Variants in TRPC6 observed in about 807,000 individuals in gnomAD.
TRPC6 encodes short transient receptor potential channel 6.
In TRPC6, 55 loss-of-function variants were observed where a neutral mutation model predicts 90.7. That is an observed-to-expected ratio of 0.61 (90% CI 0.49 to 0.76). The LOEUF is 0.76. Among genes scored for constraint, TRPC6 ranks in the 30% least tolerant of loss-of-function variants. The probability of loss-of-function intolerance (pLI) is 0.00; values close to 1 mark genes in which losing one functional copy is unlikely to be tolerated. For synonymous variants in TRPC6, 393 were observed against 393.0 expected (o/e 1.00, Z 0.00); for missense variants, 989 against 1,122.7 (o/e 0.88, Z 1.70).
chr11:101,504,576 G>T lies in TRPC6; in HGVS notation c.393C>A (p.Tyr131Ter). 6.2e-7 allele frequency: 1 copy of T among 1,614,146 alleles called. No homozygotes were observed. Among genetic ancestry groups the T allele is most frequent in the African/African-American group, 1.3e-5 (1 of 75,048 alleles). ...CHSLNVNCVD[Y>*]MGQNALQLAV... ...CCAACTGTAGGGCATTCTGGCCCAT[G>T]TAATCCACACAGTTAACGTTGAGTG... The change falls in exon 2 of 13, where the codon TAC (tyrosine) becomes TAA (stop). Residue 131 changes from tyrosine (Y) to a stop codon, truncating the protein, a stop_gained. Coordinates refer to ENST00000344327, the MANE Select transcript of TRPC6 (RefSeq NM_004621.6). LOFTEE classifies it high-confidence loss of function.
intron 1 of TRPC6, among the ~76,000 whole-genome samples, chr11:101,532,347 A>G (rs540186429): frequency 2.6e-5 from 4 of 152,346 alleles, no homozygotes; most frequent in Non-Finnish European, 5.9e-5. Flanking sequence ...GGTGTCCTAA[A>G]GCCTGCCTCA....
In TRPC6 at chr11:101,496,090, G is replaced by C. The variant is rs576849749; in HGVS notation, c.946-4352C>G. On this transcript the variant is annotated intron_variant, in intron 2 of 12. Transcript: ENST00000344327. ...TCCATGTGGCAGCAGGAGAGAGAGA[G>C]AGAGAGAGAGTGAAGGGAGAAGTGC... Among the ~76,000 whole-genome samples, 682 of 152,010 alleles carry C rather than the reference G, an allele frequency of 4.5e-3. 3 individuals carry two copies. Among genetic ancestry groups the C allele is most frequent in the African/African-American group, 0.016 (648 of 41,310 alleles).
Position 101,452,814 on chromosome 11 carries a change from G to GCTC in TRPC6, c.*138_*140dup. On this transcript the variant is annotated 3_prime_UTR_variant, in exon 13 of 13. Coordinates refer to ENST00000344327, the MANE Select transcript of TRPC6 (RefSeq NM_004621.6). ...ATCACCAAAAAAATTAGATACTAGGGCTCCAGATGATAGGATGGCCCAAGT... is the reference window on the plus strand; with the variant it reads ...ATCACCAAAAAAATTAGATACTAGGGCTCCTCCAGATGATAGGATGGCCCAAGT... 2.2e-6 allele frequency: 2 copies of GCTC among 925,162 alleles called. No individual in the cohort carries two copies. Among genetic ancestry groups the GCTC allele is most frequent in the Non-Finnish European group, 3.3e-6 (2 of 600,552 alleles). The allele number at this position is 925,162 out of a possible 1,614,324, so 57.3% of individuals were successfully genotyped here.
chr11:101,523,994 G>A (rs1860718847), intron 1 of TRPC6, among the ~76,000 whole-genome samples: 1 of 152,114 alleles, frequency 6.6e-6, no homozygotes. Context: ...TGTTAATTTA[G>A]GAGGCATTCC....
chr11:101,519,894 C>A lies in TRPC6; in HGVS notation c.171-15096G>T, dbSNP rs1431079169. The A allele has an allele frequency of 2.0e-5, 3 of 153,006 alleles. No individual in the cohort carries two copies. The East Asian group carries it at 6.0e-4, about 31-fold the overall frequency. The allele number at this position is 153,006 out of a possible 1,614,324, so 9.5% of individuals were successfully genotyped here. On this transcript the variant is annotated intron_variant, in intron 1 of 12. Coordinates refer to ENST00000344327, the MANE Select transcript of TRPC6 (RefSeq NM_004621.6). ...TACTAATTCTCTTAACTCTCTGACT[C>A]CCTCACTCAGTCTCTCTGCTCCAGC...
At chr11:101,472,480 T>C (rs1859315559) in intron 7 of TRPC6, 148 bp from the exon 8 acceptor site, 3 of 733,266 alleles carry the variant, frequency 4.1e-6, no homozygotes, top group South Asian at 2.0e-5. Flanking sequence ...TTTTCTTTTC[T>C]GTAAAATGGT....
At chr11:101,562,231 G>A (rs1459917852) in intron 1 of TRPC6, among the ~76,000 whole-genome samples, 1 of 152,062 alleles carries the variant, frequency 6.6e-6, no homozygotes, top group Non-Finnish European at 1.5e-5. Flanking sequence ...AATAAAGATG[G>A]TAACAGAAGA....
At chr11:101,560,167 C>G (rs1474483335) in intron 1 of TRPC6, among the ~76,000 whole-genome samples, 1 of 151,982 alleles carries the variant, frequency 6.6e-6, no homozygotes, top group African/African-American at 2.4e-5. Context: ...GGAAACTGAC[C>G]TATTATTCAT....
Position 101,455,056 on chromosome 11 carries a change from G to A in TRPC6, c.2530C>T (p.His844Tyr). The A allele has an allele frequency of 6.2e-7, 1 of 1,612,570 alleles. No homozygotes were observed. Among genetic ancestry groups the A allele is most frequent in the Non-Finnish European group, 8.5e-7 (1 of 1,179,094 alleles). The change falls in exon 11 of 13, where the codon CAT (histidine) becomes TAT (tyrosine). Residue 844 changes from histidine to tyrosine, a missense_variant. By Grantham distance (83) the His-to-Tyr change is moderately conservative (BLOSUM62 2). Transcript: ENST00000344327. ...QPSIRSSEDFHLNSFNNPPRQ... is the reference protein window; with the variant it reads ...QPSIRSSEDFYLNSFNNPPRQ... ...GGAGGATTATTGAAACTATTTAGAT[G>A]GAAATCTTCTGAGCTCCTTATACTT...
chr11:101,469,876 GTACTTTTATA>G, intron 9 of TRPC6, among the ~76,000 whole-genome samples: 1 of 152,198 alleles, frequency 6.6e-6, no homozygotes, highest in Non-Finnish European at 1.5e-5. Flanking sequence ...AATTCTCAAA[GTACTTTTATA>G]TACTTATTTG....
intron 2 of TRPC6, among the ~76,000 whole-genome samples, chr11:101,496,715 C>CGA (rs1859959044): frequency 6.6e-6 from 1 of 152,060 alleles, no homozygotes; most frequent in African/African-American, 2.4e-5. Flanking sequence ...TGGAGAGCGG[C>CGA]GATGAAGGTA....
chr11:101,471,095 A>T (rs904343910), intron 9 of TRPC6, 88 bp downstream of exon 9: 2 of 1,301,826 alleles, frequency 1.5e-6, no homozygotes, highest in Non-Finnish European at 2.2e-6. Flanking sequence ...TGTCATCAGG[A>T]ACTGCTTCTC....
intron 10 of TRPC6, among the ~76,000 whole-genome samples, chr11:101,467,043 C>A (rs1032582389): frequency 6.6e-6 from 1 of 152,180 alleles, no homozygotes; most frequent in East Asian, 1.9e-4. Flanking sequence ...CACCCACTGT[C>A]CAGCCAGTCC....
intron 12 of TRPC6, 52 bp downstream of exon 12, chr11:101,453,598 C>A (rs1388226648): frequency 1.3e-6 from 2 of 1,550,644 alleles, no homozygotes; most frequent in Non-Finnish European, 1.8e-6. Flanking sequence ...CTGCGCTAGG[C>A]CCCCGTCCTG....
intron 1 of TRPC6, among the ~76,000 whole-genome samples, chr11:101,569,876 A>C (rs761345803): frequency 2.0e-5 from 3 of 152,246 alleles, no homozygotes; most frequent in African/African-American, 7.2e-5. Context: ...ATCAGTGTTT[A>C]GAGGGAAATT....
At chr11:101,571,233 AACAG>A (rs1263380430) in intron 1 of TRPC6, among the ~76,000 whole-genome samples, 4 of 152,128 alleles carry the variant, frequency 2.6e-5, no homozygotes, top group Non-Finnish European at 4.4e-5. Context: ...ATAACAGACA[AACAG>A]ACAGCCAAAT....
chr11:101,530,758 G>A (rs1860894207), intron 1 of TRPC6, among the ~76,000 whole-genome samples: 1 of 152,102 alleles, frequency 6.6e-6, no homozygotes. Context: ...CACGAACTGT[G>A]ATCTGGAGGC....
At chr11:101,547,810 T>C (rs1411274491) in intron 1 of TRPC6, among the ~76,000 whole-genome samples, 1 of 152,130 alleles carries the variant, frequency 6.6e-6, no homozygotes, top group East Asian at 1.9e-4. Context: ...TTGATCCCAG[T>C]AGGCACTATA....
At chr11:101,531,129 G>C (rs1472459058) in intron 1 of TRPC6, among the ~76,000 whole-genome samples, 1 of 152,150 alleles carries the variant, frequency 6.6e-6, no homozygotes, top group Non-Finnish European at 1.5e-5. Context: ...TGTGGTGATG[G>C]ATGTGTTGAT....
Sources: allele counts gnomAD v4.1 joint callset (sites outside exome capture counted in the v4.1 genomes callset), GRCh38; gene constraint gnomAD v4.1.1; transcripts MANE v1.5; gene names NCBI Gene and HGNC (gene_info 2026-07-23, HGNC 2026-07-21).